Variants in ALB observed in about 807,000 individuals in gnomAD.
The protein encoded by ALB is albumin.
A neutral mutation model predicts 74.5 loss-of-function variants in ALB; 37 were observed. That is an observed-to-expected ratio of 0.50 (90% CI 0.38 to 0.65). The LOEUF (loss-of-function observed/expected upper bound fraction) is 0.65, where lower values mean the gene tolerates loss of function less well. ALB is among the 30% of genes least tolerant of loss of function. The pLI, the probability that ALB is intolerant of heterozygous loss-of-function variation, is 0.00. For missense variants in ALB, 685 were observed against 718.7 expected (o/e 0.95, Z 0.54); for synonymous variants, 249 against 251.6 (o/e 0.99, Z 0.10).
Position 73,419,602 on chromosome 4 carries a change from G to T in ALB, c.1748G>T (p.Cys583Phe). The change falls in exon 13 of 15, where the codon TGC becomes TTC. Residue 583 changes from cysteine to phenylalanine, a missense_variant. By Grantham distance (205) the Cys-to-Phe change is radical (BLOSUM62 -2). Transcript: ENST00000295897. ...DDFAAFVEKC[C>F]KADDKETCFA... ...TTCGCAGCTTTTGTAGAGAAGTGCT[G>T]CAAGGCTGACGATAAGGAGACCTGC... 1 of 1,613,916 alleles carries T rather than the reference G, an allele frequency of 6.2e-7. No individual in the cohort carries two copies. Among genetic ancestry groups the T allele is most frequent in the Non-Finnish European group, 8.5e-7 (1 of 1,179,944 alleles).
Position 73,410,301 on chromosome 4 carries a change from C to G in ALB, c.616-11C>G. On this transcript the variant is annotated splice_polypyrimidine_tract_variant and intron_variant, in intron 5 of 14. Coordinates refer to ENST00000295897, the MANE Select transcript of ALB (RefSeq NM_000477.7). ...TTCTTCTAATTTTCATCAAATTATT[C>G]CTTTTTGTAGCTCGATGAACTTCGG... 2.5e-6 allele frequency: 4 copies of G among 1,608,064 alleles called. No individual in the cohort carries two copies. The highest frequency in any genetic ancestry group is 3.4e-6 in the Non-Finnish European group (4 of 1,174,558).
chr4:73,412,277 G>A (rs1718897677), intron 7 of ALB, 152 bp downstream of exon 7: 1 of 968,634 alleles, frequency 1.0e-6, no homozygotes, highest in African/African-American at 1.6e-5. Context: ...GCCTATGGTG[G>A]TGGTACCTTT....
At chr4:73,410,778 T>C (rs1718855237) in intron 6 of ALB, among the ~76,000 whole-genome samples, 1 of 152,190 alleles carries the variant, frequency 6.6e-6, no homozygotes, top group Admixed American at 6.5e-5. Flanking sequence ...TTTTAATTTT[T>C]GTGGATACAG....
At position 73,416,334 on chromosome 4, in the gene ALB, GA is replaced by G; in HGVS notation, c.1271del (p.Glu424GlyfsTer9). On this transcript the variant is annotated frameshift_variant, in exon 10 of 15. Coordinates refer to ENST00000295897, the MANE Select transcript of ALB (RefSeq NM_000477.7). LOFTEE classifies it high-confidence loss of function. ...QNCELFEQLG[E>X]YKFQNALLVR... ...TTGTGAGCTTTTTGAGCAGCTTGGA[GA>G]GTACAAATTCCAGAATGCGTAAGTA... 6.2e-7 allele frequency: 1 copy of G among 1,613,404 alleles called. No individual in the cohort carries two copies. The highest frequency in any genetic ancestry group is 8.5e-7 in the Non-Finnish European group (1 of 1,179,630).
chr4:73,420,122 A>T, intron 13 of ALB, 132 bp from the exon 14 acceptor site: 3 of 808,778 alleles, frequency 3.7e-6, no homozygotes, highest in South Asian at 3.3e-5. Flanking sequence ...AGATTATAGT[A>T]GTAAATTGTA....
chr4:73,415,336 A>C (rs962611060), intron 9 of ALB, 169 bp downstream of exon 9: 2 of 804,416 alleles, frequency 2.5e-6, no homozygotes, highest in Non-Finnish European at 3.9e-6. Context: ...CCTTAGAATG[A>C]TTAACAAAAT....
rs764474612 is a variant in ALB at position 73,404,369 on chromosome 4, C to T, written c.42C>T (p.Ser14=). ...TTATTTCCCTTCTTTTTCTCTTTAG[C>T]TCGGCTTATTCCAGGGGTGTGTTTC... The part of the protein sequence containing the change: ...VTFISLLFLF[S]SAYSRGVFRR... Residue 14 remains serine, a synonymous_variant, in exon 1 of 15, where the codon AGC becomes AGT. Transcript: ENST00000295897. 1.9e-6 allele frequency: 3 copies of T among 1,613,834 alleles called. No homozygotes were observed. The highest frequency in any genetic ancestry group is 2.5e-6 in the Non-Finnish European group (3 of 1,179,824).
chr4:73,413,904 T>C (rs1328131546), intron 8 of ALB, among the ~76,000 whole-genome samples: 1 of 152,198 alleles, frequency 6.6e-6, no homozygotes, highest in Non-Finnish European at 1.5e-5. Context: ...TGTGTATATA[T>C]AAATTATGTA....
At chr4:73,420,052 C>T (rs748527302) in intron 13 of ALB, among the ~76,000 whole-genome samples, 12 of 152,150 alleles carry the variant, frequency 7.9e-5, no homozygotes, top group Non-Finnish European at 8.8e-5. Context: ...CCCTTTATGG[C>T]CTGACAGTAA....
chr4:73,414,305 C>T (rs1461273826), intron 8 of ALB, among the ~76,000 whole-genome samples: 1 of 152,148 alleles, frequency 6.6e-6, no homozygotes, highest in Non-Finnish European at 1.5e-5. Context: ...CATATCTCTG[C>T]CCATCTATTT....
At chr4:73,408,863 C>T in intron 4 of ALB, 58 bp downstream of exon 4, 2 of 1,354,126 alleles carry the variant, frequency 1.5e-6, no homozygotes, top group South Asian at 2.6e-5. Context: ...CTCCATAGGC[C>T]AACACTCTAT....
chr4:73,406,084 T>TA lies in ALB; in HGVS notation c.138-537dup, dbSNP rs545120783. Among the ~76,000 whole-genome samples the TA allele has an allele frequency of 7.9e-5, 12 of 151,402 alleles. No individual in the cohort carries two copies. In the South Asian group the frequency reaches 2.1e-3, roughly 26 times the overall value. ...CAAGACCAGCCTGGGCAAGTCTCTT[T>TA]AAAAAAAACAAAACAAACAAACAAA... On this transcript the variant is annotated intron_variant, in intron 2 of 14. Transcript: ENST00000295897.
chr4:73,416,145 G>A lies in ALB; in HGVS notation c.1192-111G>A, dbSNP rs530478755. The A allele has an allele frequency of 3.9e-5, 30 of 762,254 alleles. 1 individual carries two copies. The highest frequency in any genetic ancestry group is 3.9e-4 in the South Asian group (26 of 66,760). The allele number at this position is 762,254 out of a possible 1,614,324, so 47.2% of individuals were successfully genotyped here. ...GCGGCATTGATATTCATCTATTCAT[G>A]TGGCTTTGAGTAGGAAGAAGAAAGG... On this transcript the variant is annotated intron_variant, in intron 9 of 14. Coordinates refer to ENST00000295897, the MANE Select transcript of ALB (RefSeq NM_000477.7).
At chr4:73,409,071 A>C in intron 4 of ALB, 1 of 577,576 alleles carries the variant, frequency 1.7e-6, no homozygotes, top group Non-Finnish European at 3.1e-6. Flanking sequence ...TGTATTACGA[A>C]GATATGTATA....
chr4:73,413,147 A>G (rs1718922131), intron 7 of ALB: 1 of 388,478 alleles, frequency 2.6e-6, no homozygotes, highest in Non-Finnish European at 4.7e-6. Flanking sequence ...GTTTTAATGA[A>G]AAAAACTTAA....
Position 73,408,627 on chromosome 4 carries a change from G to C in ALB, c.304G>C (p.Ala102Pro). 1 of 1,613,952 alleles carries C rather than the reference G, an allele frequency of 6.2e-7. No individual in the cohort carries two copies. The highest frequency in any genetic ancestry group is 1.7e-5 in the Admixed American group (1 of 60,006). The change falls in exon 4 of 15, where the codon GCA becomes CCA. Residue 102 changes from alanine to proline, a missense_variant. Ala to Pro is a conservative substitution (Grantham distance 27, BLOSUM62 -1). Transcript: ENST00000295897. ...TLFGDKLCTV[A>P]TLRETYGEMA... ...TTTTGGAGACAAATTATGCACAGTT[G>C]CAACTCTTCGTGAAACCTATGGTGA... is the stretch of plus-strand genomic sequence containing the variant.
At chr4:73,406,850 A>G in intron 3 of ALB, 89 bp downstream of exon 3, 2 of 1,467,804 alleles carry the variant, frequency 1.4e-6, no homozygotes, top group Non-Finnish European at 1.9e-6. Context: ...TTTCTCAATT[A>G]TTATTAAGTG....
chr4:73,413,591 G>T lies in ALB; in HGVS notation c.1015G>T (p.Val339Phe). ...LAADFVESKD[V>F]CKNYAEAKDV... The stretch of plus-strand genomic sequence containing the variant: ...TGCTGATTTTGTTGAAAGTAAGGAT[G>T]TTTGCAAAAACTATGCTGAGGCAAA... Residue 339 changes from valine (V) to phenylalanine (F), a missense_variant, in exon 8 of 15, where the codon GTT (valine) becomes TTT (phenylalanine). Val to Phe is a conservative substitution (Grantham distance 50). Coordinates refer to ENST00000295897, the MANE Select transcript of ALB (RefSeq NM_000477.7). 1.2e-6 allele frequency: 2 copies of T among 1,614,182 alleles called. No homozygotes were observed. The highest frequency in any genetic ancestry group is 1.7e-6 in the Non-Finnish European group (2 of 1,180,020).
chr4:73,404,389 T>G lies in ALB; in HGVS notation c.62T>G (p.Val21Gly), dbSNP rs1436567806. 17 of 1,613,336 alleles carry G rather than the reference T, an allele frequency of 1.1e-5. No individual in the cohort carries two copies. Among genetic ancestry groups the G allele is most frequent in the Non-Finnish European group, 1.4e-5 (17 of 1,179,440 alleles). The change falls in exon 1 of 15, where the codon GTG becomes GGG. Residue 21 changes from valine to glycine, a missense_variant. Val to Gly is a moderately radical substitution (Grantham distance 109). Transcript: ENST00000295897. Reference sequence around the variant, plus strand: ...TTTAGCTCGGCTTATTCCAGGGGTGTGTTTCGTCGAGATGCACGTAAGAAA... The same window carrying G: ...TTTAGCTCGGCTTATTCCAGGGGTGGGTTTCGTCGAGATGCACGTAAGAAA... The part of the protein sequence containing the change: ...FLFSSAYSRG[V>G]FRRDAHKSEV...
Sources: allele counts gnomAD v4.1 joint callset (sites outside exome capture counted in the v4.1 genomes callset), GRCh38; gene constraint gnomAD v4.1.1; transcripts MANE v1.5; gene names NCBI Gene and HGNC (gene_info 2026-07-23, HGNC 2026-07-21).